The following LRIF1 variants were observed in gnomAD, a reference collection of about 807,000 sequenced individuals.
LRIF1 encodes the protein ligand-dependent nuclear receptor-interacting factor 1.
A neutral mutation model predicts 52.7 loss-of-function variants in LRIF1; 32 were observed. That is an observed-to-expected ratio of 0.61 (90% CI 0.46 to 0.82). The LOEUF (loss-of-function observed/expected upper bound fraction) is 0.82. LRIF1 is among the 40% of genes least tolerant of loss of function. LRIF1 has a pLI of 0.00. For synonymous variants in LRIF1, 323 were observed against 317.4 expected (o/e 1.02, Z -0.19); for missense variants, 887 against 892.0 (o/e 0.99, Z 0.07).
the LRIF1 span, chr1:110,892,342 C>G: frequency 6.2e-7 from 1 of 1,612,680 alleles, no homozygotes; most frequent in Admixed American, 1.7e-5. Flanking sequence ...TTCTTCCTTT[C>G]AGATCTGTGG....
the LRIF1 span, among the ~76,000 whole-genome samples, chr1:110,878,204 A>T: frequency 2.0e-5 from 3 of 152,190 alleles, no homozygotes; most frequent in Non-Finnish European, 2.9e-5. Flanking sequence ...ATTTTGTGGG[A>T]TTCAGTGAAC....
At chr1:110,935,469 A>G in the LRIF1 span, among the ~76,000 whole-genome samples, 1 of 152,258 alleles carries the variant, frequency 6.6e-6, no homozygotes, top group Non-Finnish European at 1.5e-5. Flanking sequence ...GAATTTGATC[A>G]GATATGTTTA....
At chr1:110,898,627 T>A in the LRIF1 span, among the ~76,000 whole-genome samples, 737 of 152,148 alleles carry the variant, frequency 4.8e-3, 27 homozygotes, top group Admixed American at 0.046. Context: ...TGACAAGTGA[T>A]GGGTGAATTG....
chr1:110,917,219 G>A, the LRIF1 span, among the ~76,000 whole-genome samples: 1 of 152,188 alleles, frequency 6.6e-6, no homozygotes, highest in East Asian at 1.9e-4. Flanking sequence ...AGAACTGACA[G>A]GGGCTCGTGT....
the LRIF1 span, among the ~76,000 whole-genome samples, chr1:110,934,440 G>T: frequency 6.6e-6 from 1 of 152,280 alleles, no homozygotes; most frequent in Non-Finnish European, 1.5e-5. Flanking sequence ...CCTTGGACCT[G>T]CCCTGTGTCG....
chr1:110,963,551 G>T, intron 1 of LRIF1, 70 bp downstream of exon 1: 1 of 1,358,770 alleles, frequency 7.4e-7, no homozygotes, highest in South Asian at 1.2e-5. Flanking sequence ...GTCCGGAAAC[G>T]ACGGCCGACT....
At chr1:110,913,461 A>T in the LRIF1 span, among the ~76,000 whole-genome samples, 506 of 152,312 alleles carry the variant, frequency 3.3e-3, no homozygotes, top group African/African-American at 0.012. Flanking sequence ...TAACAAGGAG[A>T]AAACAACCCC....
chr1:110,888,175 T>C, the LRIF1 span, among the ~76,000 whole-genome samples: 2 of 152,232 alleles, frequency 1.3e-5, no homozygotes, highest in Non-Finnish European at 2.9e-5. Context: ...AACCTGAATG[T>C]ATACTTCTGA....
chr1:110,885,413 C>A, the LRIF1 span, among the ~76,000 whole-genome samples: 10 of 152,298 alleles, frequency 6.6e-5, no homozygotes, highest in East Asian at 1.5e-3. Context: ...TGGCAGGCGC[C>A]TGTAGTCCTA....
the LRIF1 span, among the ~76,000 whole-genome samples, chr1:110,879,936 T>C: frequency 6.6e-6 from 1 of 152,006 alleles, no homozygotes; most frequent in Non-Finnish European, 1.5e-5. Flanking sequence ...CAAGAGTAGA[T>C]TACATGGTGC....
At chr1:110,960,845 T>C (rs947279403) in intron 1 of LRIF1, among the ~76,000 whole-genome samples, 1 of 152,202 alleles carries the variant, frequency 6.6e-6, no homozygotes, top group African/African-American at 2.4e-5. Flanking sequence ...ACAACTGAAA[T>C]AGGATCCTTA....
At chr1:110,917,470 T>G in the LRIF1 span, among the ~76,000 whole-genome samples, 1 of 152,202 alleles carries the variant, frequency 6.6e-6, no homozygotes, top group Non-Finnish European at 1.5e-5. Flanking sequence ...CTGCAGAAAC[T>G]GACCACAATT....
the LRIF1 span, among the ~76,000 whole-genome samples, chr1:110,879,416 T>C: frequency 6.6e-6 from 1 of 152,250 alleles, no homozygotes. Context: ...CTAGTGTTTA[T>C]CAAACTGTGT....
the LRIF1 span, chr1:110,892,402 G>A: frequency 5.6e-6 from 9 of 1,613,804 alleles, no homozygotes; most frequent in East Asian, 2.2e-5. Flanking sequence ...CAACAACTTC[G>A]GAGTGCTCTT....
At chr1:110,934,601 C>T in the LRIF1 span, among the ~76,000 whole-genome samples, 1 of 152,160 alleles carries the variant, frequency 6.6e-6, no homozygotes, top group Non-Finnish European at 1.5e-5. Flanking sequence ...GCATGAGGCT[C>T]CTCCGCCTTT....
the LRIF1 span, among the ~76,000 whole-genome samples, chr1:110,915,999 C>T: frequency 3.3e-5 from 5 of 152,054 alleles, no homozygotes; most frequent in Admixed American, 6.6e-5. Context: ...TAACATTTTA[C>T]ACGTGGTGGA....
the LRIF1 span, among the ~76,000 whole-genome samples, chr1:110,928,733 A>G: frequency 6.6e-6 from 1 of 152,122 alleles, no homozygotes; most frequent in East Asian, 1.9e-4. Context: ...GGGGGAAAAA[A>G]TCAATGCAAA....
chr1:110,943,290 T>C (rs938163280), downstream of LRIF1, among the ~76,000 whole-genome samples: 7 of 152,038 alleles, frequency 4.6e-5, no homozygotes, highest in Admixed American at 4.6e-4. Context: ...TAAAGTTAAG[T>C]AAGAGACCAG....
the LRIF1 span, among the ~76,000 whole-genome samples, chr1:110,881,361 T>C: frequency 1.3e-5 from 2 of 152,164 alleles, no homozygotes; most frequent in Non-Finnish European, 2.9e-5. Flanking sequence ...CAGAATGTAC[T>C]CTTTTTTATT....
Sources: gnomAD v4.1 joint callset for allele counts (sites outside exome capture counted in the v4.1 genomes callset) on GRCh38, gnomAD v4.1.1 for gene constraint, MANE v1.5 for transcripts, NCBI Gene and HGNC (gene_info 2026-07-23, HGNC 2026-07-21) for gene names.